Variants in CAPN13 observed in about 807,000 individuals in gnomAD.
CAPN13 encodes calpain-13.
CAPN13 carries 90 observed loss-of-function variants against 98.4 expected under a neutral mutation model. The observed-to-expected ratio is 0.92, with a 90% CI of 0.77 to 1.09. The LOEUF (loss-of-function observed/expected upper bound fraction) is 1.09. Ranked by LOEUF, CAPN13 falls within the 50% of genes least tolerant of loss-of-function variation. The pLI is 0.00. For missense variants in CAPN13, 887 were observed against 841.3 expected (o/e 1.05, Z -0.67); for synonymous variants, 330 against 305.5 (o/e 1.08, Z -0.84).
chr2:30,741,834 C>T lies in CAPN13; in HGVS notation c.1536+74G>A, dbSNP rs756757316. On this transcript the variant is annotated intron_variant, in intron 15 of 22. Transcript: ENST00000295055. ...CTCCTCTCTGCATCCCAGTAAGGGC[C>T]TGTGAGAGCTGTCCCTCCCTCAGGT... is the stretch of plus-strand genomic sequence containing the variant. 4.3e-6 allele frequency: 7 copies of T among 1,610,238 alleles called. No individual in the cohort carries two copies. The South Asian group carries it at 6.6e-5, about 15-fold the overall frequency.
intron 7 of CAPN13, among the ~76,000 whole-genome samples, chr2:30,759,724 A>G (rs532655183): frequency 4.1e-4 from 63 of 152,358 alleles, no homozygotes; most frequent in African/African-American, 1.5e-3. Flanking sequence ...CAGAATTCCA[A>G]TCCAGCCACG....
chr2:30,754,555 G>T (rs1367389288), intron 8 of CAPN13, among the ~76,000 whole-genome samples, 191 bp from the exon 9 acceptor site: 1 of 152,132 alleles, frequency 6.6e-6, no homozygotes. Flanking sequence ...CCCCAGCCTG[G>T]TCTTCTTTCC....
At chr2:30,780,579 A>T (rs34228868) in intron 2 of CAPN13, among the ~76,000 whole-genome samples, 77,732 of 151,682 alleles carry the variant, frequency 0.51, 20,859 homozygotes, top group South Asian at 0.67. Context: ...GCTAATTAGG[A>T]ACAAAAAGAT....
chr2:30,748,396 G>C (rs560196322), intron 11 of CAPN13, among the ~76,000 whole-genome samples: 1 of 152,218 alleles, frequency 6.6e-6, no homozygotes, highest in East Asian at 1.9e-4. Context: ...TTCTTGGAAG[G>C]ACAGCTCACA....
At chr2:30,758,811 CCCTTCCTCCCTTCCTTCCTCCCTT>C (rs1228871226) in intron 7 of CAPN13, among the ~76,000 whole-genome samples, 1 of 92,648 alleles carries the variant, frequency 1.1e-5, no homozygotes, top group African/African-American at 5.5e-5. Flanking sequence ...TCCCTCCCTT[CCCTTCCTCCCTTCCTTCCTCCCTT>C]CCTTCTTTCC....
chr2:30,776,088 T>G (rs772508808), intron 3 of CAPN13, 43 bp from the exon 4 acceptor site: 13 of 1,317,148 alleles, frequency 9.9e-6, no homozygotes, highest in Non-Finnish European at 1.4e-5. Context: ...TGGACACACT[T>G]GGAAACCCTC....
At chr2:30,748,753 C>T (rs1020663245) in intron 11 of CAPN13, among the ~76,000 whole-genome samples, 4 of 152,110 alleles carry the variant, frequency 2.6e-5, no homozygotes, top group Non-Finnish European at 4.4e-5. Context: ...AAAATAACAA[C>T]GGTGTACTAC....
intron 1 of CAPN13, among the ~76,000 whole-genome samples, chr2:30,796,137 T>C (rs1674847051): frequency 7.0e-6 from 1 of 143,538 alleles, no homozygotes; most frequent in Non-Finnish European, 1.5e-5. Flanking sequence ...TACATATATA[T>C]ATGTGTGTAT....
chr2:30,789,214 T>A (rs1674481554), intron 1 of CAPN13, among the ~76,000 whole-genome samples: 1 of 152,176 alleles, frequency 6.6e-6, no homozygotes, highest in Admixed American at 6.5e-5. Flanking sequence ...GATTGTCAAT[T>A]CAAGACAAAA....
chr2:30,751,453 A>T (rs1672173059), intron 10 of CAPN13, among the ~76,000 whole-genome samples: 1 of 152,222 alleles, frequency 6.6e-6, no homozygotes, highest in African/African-American at 2.4e-5. Flanking sequence ...TAAACACAGG[A>T]GAGGTTGTAT....
At chr2:30,725,419 G>A (rs1670825362) in intron 22 of CAPN13, among the ~76,000 whole-genome samples, 1 of 152,206 alleles carries the variant, frequency 6.6e-6, no homozygotes, top group African/African-American at 2.4e-5. Flanking sequence ...ATGGGTTGAA[G>A]ATGAGCCAGA....
chr2:30,741,930 A>G lies in CAPN13; in HGVS notation c.1514T>C (p.Ile505Thr), dbSNP rs746115123. The part of the protein sequence containing the change: ...SPSEHGSQQS[I>T]FNRYAQQRLD... ...TACCTGCTGAGCATATCTGTTGAAAATGCTTTGTTGGGAGCCATGTTCTGA... is the reference window on the plus strand; with the variant it reads ...TACCTGCTGAGCATATCTGTTGAAAGTGCTTTGTTGGGAGCCATGTTCTGA... The change falls in exon 15 of 23, where the codon ATT becomes ACT. Residue 505 changes from isoleucine (I) to threonine (T), a missense_variant. Coordinates refer to ENST00000295055, the MANE Select transcript of CAPN13 (RefSeq NM_144575.3). The G allele has an allele frequency of 1.1e-5, 17 of 1,613,940 alleles. No individual in the cohort carries two copies. The South Asian group carries it at 1.9e-4, about 18-fold the overall frequency.
chr2:30,730,739 G>A lies in CAPN13; in HGVS notation c.*21C>T, dbSNP rs1671042064. 1.3e-6 allele frequency: 1 copy of A among 780,856 alleles called. No homozygotes were observed. The highest frequency in any genetic ancestry group is 1.7e-5 in the Admixed American group (1 of 59,038). The allele number at this position is 780,856 out of a possible 1,614,324, so 48.4% of individuals were successfully genotyped here. A position where few individuals can be genotyped will look rare whatever the true frequency, so the allele number is the denominator to read the frequency against. The stretch of plus-strand genomic sequence containing the variant: ...AGCTACCATGTCTTACCTGAGCCAT[G>A]GGTCTGCTTTCCTCTTTGCTTCAGT... On this transcript the variant is annotated 3_prime_UTR_variant, in exon 22 of 23. Coordinates refer to ENST00000295055, the MANE Select transcript of CAPN13 (RefSeq NM_144575.3).
chr2:30,777,841 A>G (rs577037311), intron 2 of CAPN13, among the ~76,000 whole-genome samples: 1 of 152,318 alleles, frequency 6.6e-6, no homozygotes, highest in East Asian at 1.9e-4. Flanking sequence ...TGTAACTGAC[A>G]AGACAGGCCA....
intron 3 of CAPN13, 125 bp downstream of exon 3, chr2:30,777,442 T>C (rs74377741): frequency 0.023 from 18,582 of 800,610 alleles, 310 homozygotes; most frequent in Non-Finnish European, 0.028. Context: ...GCGTGAGCAG[T>C]TTGTCCACGG....
At chr2:30,788,518 T>C (rs910763743) in intron 1 of CAPN13, among the ~76,000 whole-genome samples, 2 of 152,180 alleles carry the variant, frequency 1.3e-5, no homozygotes, top group Non-Finnish European at 2.9e-5. Flanking sequence ...ACCTCTCTGG[T>C]CCTTAAAGTA....
intron 1 of CAPN13, among the ~76,000 whole-genome samples, chr2:30,796,802 T>C (rs984469580): frequency 1.3e-5 from 2 of 152,176 alleles, no homozygotes; most frequent in African/African-American, 4.8e-5. Flanking sequence ...GAGACAAAAC[T>C]ATGAAAGATT....
chr2:30,743,821 G>A (rs2253464), intron 12 of CAPN13: 194,906 of 634,106 alleles, frequency 0.31, 31,218 homozygotes, highest in Non-Finnish European at 0.32. Context: ...CATCTCATTG[G>A]GTCTAACAGC....
intron 2 of CAPN13, among the ~76,000 whole-genome samples, chr2:30,779,985 A>T (rs62139460): frequency 1.3e-4 from 19 of 151,990 alleles, no homozygotes; most frequent in Admixed American, 1.0e-3. Context: ...TAAAAATTGC[A>T]TTTTAGAAAT....
Sources: gnomAD v4.1 joint callset for allele counts (sites outside exome capture counted in the v4.1 genomes callset) on GRCh38, gnomAD v4.1.1 for gene constraint, MANE v1.5 for transcripts, NCBI Gene and HGNC (gene_info 2026-07-23, HGNC 2026-07-21) for gene names.